Variants in HTR3B observed in about 807,000 individuals in gnomAD.
HTR3B encodes the protein 5-hydroxytryptamine (serotonin) receptor 3B, ionotropic.
HTR3B carries 44 observed loss-of-function variants against 42.8 expected under a neutral mutation model. The observed-to-expected ratio is 1.03, with a 90% CI of 0.81 to 1.32. The LOEUF (loss-of-function observed/expected upper bound fraction) is 1.32, where lower values mean the gene tolerates loss of function less well. HTR3B is among the 40% of genes most tolerant of loss of function. HTR3B has a pLI of 0.00. For missense variants in HTR3B, 527 were observed against 536.5 expected, an observed-to-expected ratio of 0.98 and a Z score of 0.17; for synonymous variants, 203 against 209.0, an observed-to-expected ratio of 0.97 and a Z score of 0.25.
chr11:113,920,390 T>TG lies in HTR3B; in HGVS notation c.213+10935_213+10936insG, dbSNP rs551554488. 1.6e-3 allele frequency among the ~76,000 whole-genome samples: 249 copies of TG among 151,580 alleles called. 1 individual carries two copies. Among genetic ancestry groups the TG allele is most frequent in the Middle Eastern group, 0.01 (3 of 288 alleles). ...CCAGTTTTTTGTTTGTTTGTTTGTT[T>TG]TTTGAGATGGAGACTCACTCTGTCA... On this transcript the variant is annotated intron_variant, in intron 2 of 8. Transcript: ENST00000260191.
chr11:113,942,403 G>C (rs1950143090), intron 6 of HTR3B, among the ~76,000 whole-genome samples: 2 of 152,206 alleles, frequency 1.3e-5, no homozygotes, highest in Admixed American at 6.5e-5. Flanking sequence ...GGTGGAGGTT[G>C]AGCTGAGATC....
upstream of HTR3B, among the ~76,000 whole-genome samples, chr11:113,902,043 C>T (rs538575099): frequency 1.1e-3 from 162 of 152,330 alleles, no homozygotes; most frequent in Non-Finnish European, 1.9e-3. Context: ...GATCAGTCCT[C>T]TATGATCTTC....
Position 113,932,187 on chromosome 11 carries a change from C to A in HTR3B, c.369-102C>A, listed in dbSNP as rs754408881. 65 of 919,126 alleles carry A rather than the reference C, an allele frequency of 7.1e-5. 1 individual carries two copies. Among genetic ancestry groups the A allele is most frequent in the Non-Finnish European group, 1.0e-4 (61 of 587,626 alleles). 56.9% of individuals were successfully genotyped at this position (919,126 alleles called of 1,614,324 possible). On this transcript the variant is annotated intron_variant, in intron 4 of 8. Transcript: ENST00000260191. ...TGCGATTCTGTTTTGCAGGGCTAGG[C>A]TGGTCCTGGACCTCATGGTCACTAC... is the stretch of plus-strand genomic sequence containing the variant.
At chr11:113,914,505 G>A (rs1039448168) in intron 2 of HTR3B, among the ~76,000 whole-genome samples, 14 of 151,246 alleles carry the variant, frequency 9.3e-5, no homozygotes, top group Non-Finnish European at 2.9e-5. Context: ...GTTTTTTTGA[G>A]ACAGTCTTGC....
intron 2 of HTR3B, among the ~76,000 whole-genome samples, chr11:113,918,822 A>G (rs928977109): frequency 6.6e-6 from 1 of 151,926 alleles, no homozygotes; most frequent in Non-Finnish European, 1.5e-5. Context: ...ACACCTGGCT[A>G]ATTTTTGTAT....
At chr11:113,938,450 A>G (rs1033669578) in intron 6 of HTR3B, among the ~76,000 whole-genome samples, 9 of 152,154 alleles carry the variant, frequency 5.9e-5, no homozygotes, top group Non-Finnish European at 2.9e-5. Flanking sequence ...ATTCTGGGGC[A>G]AAATTTCTCT....
chr11:113,914,152 G>T (rs991566483), intron 2 of HTR3B, among the ~76,000 whole-genome samples: 1 of 151,760 alleles, frequency 6.6e-6, no homozygotes, highest in East Asian at 1.9e-4. Flanking sequence ...TTTTTAAAAA[G>T]ATTTAAAAAA....
the HTR3B span, among the ~76,000 whole-genome samples, chr11:113,899,624 G>A: frequency 6.6e-6 from 1 of 152,164 alleles, no homozygotes; most frequent in Non-Finnish European, 1.5e-5. Context: ...ATATTTATGG[G>A]ATTTACTGGT....
upstream of HTR3B, among the ~76,000 whole-genome samples, chr11:113,900,171 T>A (rs961227725): frequency 6.6e-6 from 1 of 151,838 alleles, no homozygotes; most frequent in African/African-American, 2.4e-5. Context: ...GGCAGGAGAA[T>A]CACTTGAACT....
upstream of HTR3B, among the ~76,000 whole-genome samples, chr11:113,903,844 A>G (rs1360399237): frequency 6.6e-6 from 1 of 152,230 alleles, no homozygotes; most frequent in Non-Finnish European, 1.5e-5. Context: ...TTCTGTGTAT[A>G]CCACTCCCTT....
rs34550504 is a variant in HTR3B at position 113,932,348 on chromosome 11, T to C, written c.428T>C (p.Ile143Thr). The change falls in exon 5 of 9, where the codon ATT becomes ACT. Residue 143 changes from isoleucine to threonine, a missense_variant. Physicochemically the swap from Ile to Thr is moderately conservative, Grantham distance 89 (BLOSUM62 -1). Transcript: ENST00000260191. Reference sequence around the variant, plus strand: ...GTTTATGTGAACTCATCTGGGACCATTGAGAACTATAAGCCCATCCAGGTG... The same window carrying C: ...GTTTATGTGAACTCATCTGGGACCACTGAGAACTATAAGCCCATCCAGGTG... Reference protein sequence around the residue: ...PYVYVNSSGTIENYKPIQVVS... With the variant: ...PYVYVNSSGTTENYKPIQVVS... 121 of 1,613,628 alleles carry C rather than the reference T, an allele frequency of 7.5e-5. No homozygotes were observed. The East Asian group carries it at 2.4e-3, about 32-fold the overall frequency.
Position 113,931,857 on chromosome 11 carries a change from A to G in HTR3B, c.358A>G (p.Ile120Val). The G allele has an allele frequency of 6.4e-7, 1 of 1,571,212 alleles. No individual in the cohort carries two copies. The highest frequency in any genetic ancestry group is 1.1e-5 in the South Asian group (1 of 90,202). ...LSAIWAPDII[I>V]NEFVDIERYP... Reference sequence around the variant, plus strand: ...TGCCATCTGGGCCCCCGATATCATCATCAATGAGTTGTAAGTGTGCCAGTG... The same window carrying G: ...TGCCATCTGGGCCCCCGATATCATCGTCAATGAGTTGTAAGTGTGCCAGTG... The change falls in exon 4 of 9, where the codon ATC becomes GTC. Residue 120 changes from isoleucine (I) to valine (V), a missense_variant. Coordinates refer to ENST00000260191, the MANE Select transcript of HTR3B (RefSeq NM_006028.5).
chr11:113,924,752 T>A (rs968042368), intron 2 of HTR3B, among the ~76,000 whole-genome samples: 1 of 151,314 alleles, frequency 6.6e-6, no homozygotes, highest in African/African-American at 2.4e-5. Context: ...CTGTGGTCCA[T>A]CTGCTCCAAG....
intron 2 of HTR3B, among the ~76,000 whole-genome samples, chr11:113,914,413 G>C (rs1362985279): frequency 6.6e-6 from 1 of 150,492 alleles, no homozygotes. Flanking sequence ...GCAGTGAGCC[G>C]AGATCACGCC....
rs45569845 is a variant in HTR3B, at chr11:113,931,669, G to A, written c.259-89G>A. Reference sequence around the variant, plus strand: ...GGTAGAACCAAGAGGCTGATAAATTGGATTATTAATCCAAATGCCTCTTTA... The same window carrying A: ...GGTAGAACCAAGAGGCTGATAAATTAGATTATTAATCCAAATGCCTCTTTA... On this transcript the variant is annotated intron_variant, in intron 3 of 8. Coordinates refer to ENST00000260191, the MANE Select transcript of HTR3B (RefSeq NM_006028.5). 6.1e-3 allele frequency: 5,015 copies of A among 823,268 alleles called. 27 individuals are homozygous for A. Among genetic ancestry groups the A allele is most frequent in the Non-Finnish European group, 7.7e-3 (3,726 of 483,746 alleles). 51.0% of individuals were successfully genotyped at this position (823,268 alleles called of 1,614,324 possible).
At chr11:113,927,385 A>T (rs1949985942) in intron 2 of HTR3B, among the ~76,000 whole-genome samples, 1 of 152,166 alleles carries the variant, frequency 6.6e-6, no homozygotes, top group Admixed American at 6.6e-5. Flanking sequence ...GTTTTTCCTG[A>T]TTATAATATA....
At chr11:113,914,846 G>T (rs771581418) in intron 2 of HTR3B, among the ~76,000 whole-genome samples, 1 of 152,136 alleles carries the variant, frequency 6.6e-6, no homozygotes, top group Non-Finnish European at 1.5e-5. Flanking sequence ...CTTACTGTCT[G>T]ATAGAATTTA....
intron 2 of HTR3B, among the ~76,000 whole-genome samples, chr11:113,928,127 TGTG>T (rs1366076907): frequency 6.6e-6 from 1 of 152,156 alleles, no homozygotes; most frequent in East Asian, 1.9e-4. Flanking sequence ...AGTGAGAACA[TGTG>T]GTGTTTGGTT....
intron 2 of HTR3B, among the ~76,000 whole-genome samples, chr11:113,910,169 C>T (rs1246917296): frequency 6.6e-6 from 1 of 151,858 alleles, no homozygotes; most frequent in African/African-American, 2.4e-5. Flanking sequence ...GAAAAAAATG[C>T]CTTATTATCT....
Sources: allele counts gnomAD v4.1 joint callset (sites outside exome capture counted in the v4.1 genomes callset), GRCh38; gene constraint gnomAD v4.1.1; transcripts MANE v1.5; gene names NCBI Gene and HGNC (gene_info 2026-07-23, HGNC 2026-07-21).